The following SLC39A11 variants were observed in gnomAD, a reference collection of about 807,000 sequenced individuals.
The protein encoded by SLC39A11 is zinc transporter ZIP11.
SLC39A11 carries 33 observed loss-of-function variants against 36.1 expected under a neutral mutation model. The observed-to-expected ratio is 0.91, with a 90% CI of 0.69 to 1.22. SLC39A11 has a LOEUF of 1.22. Ranked by LOEUF, SLC39A11 falls within the 50% of genes most tolerant of loss-of-function variation. The pLI is 0.00. For synonymous variants in SLC39A11, 166 were observed against 170.3 expected (o/e 0.97, Z 0.20); for missense variants, 432 against 430.3 (o/e 1.00, Z -0.03).
At chr17:72,906,648 A>G (rs1440870694) in intron 5 of SLC39A11, among the ~76,000 whole-genome samples, 1 of 152,208 alleles carries the variant, frequency 6.6e-6, no homozygotes, top group Non-Finnish European at 1.5e-5. Flanking sequence ...CCTGAAACAG[A>G]CCTTGTTTAA....
At chr17:73,018,526 A>C (rs6501593) in intron 4 of SLC39A11, among the ~76,000 whole-genome samples, 147,930 of 152,050 alleles carry the variant, frequency 0.97, 72,087 homozygotes, top group Non-Finnish European at 1. Context: ...CCAGCCTGGG[A>C]AACACGGCAA....
intron 3 of SLC39A11, among the ~76,000 whole-genome samples, chr17:73,051,476 G>A (rs896719615): frequency 1.3e-5 from 2 of 151,894 alleles, no homozygotes; most frequent in Non-Finnish European, 2.9e-5. Context: ...GTGCAACTTG[G>A]TAGAAGGTGG....
Position 72,740,463 on chromosome 17 carries a change from A to T in SLC39A11, c.602-3744T>A, listed in dbSNP as rs184033776. The stretch of plus-strand genomic sequence containing the variant: ...CCGTACGTTTATGTTGTCTGTTTAT[A>T]AAGAGGAGTTGTGTGTCTGAAATGG... On this transcript the variant is annotated intron_variant, in intron 6 of 9. Coordinates refer to ENST00000255559, the MANE Select transcript of SLC39A11 (RefSeq NM_139177.4). Among the ~76,000 whole-genome samples, 118 of 152,294 alleles carry T rather than the reference A, an allele frequency of 7.7e-4. 1 individual carries two copies. The highest frequency in any genetic ancestry group is 2.6e-3 in the African/African-American group (106 of 41,558).
rs562446733 is a variant in SLC39A11, at chr17:72,964,959, G to A, written c.307-17084C>T. Among the ~76,000 whole-genome samples the A allele has an allele frequency of 7.9e-5, 12 of 152,246 alleles. 1 individual carries two copies. Among genetic ancestry groups the A allele is most frequent in the African/African-American group, 2.6e-4 (11 of 41,542 alleles). On this transcript the variant is annotated intron_variant, in intron 4 of 9. Transcript: ENST00000255559. The stretch of plus-strand genomic sequence containing the variant: ...GAGTTCATGTCCTTTGTACGGACAC[G>A]GATGAAGCTGGAAACCATCATTCTC...
intron 5 of SLC39A11, among the ~76,000 whole-genome samples, chr17:72,878,367 G>T (rs1418711035): frequency 6.6e-6 from 1 of 152,138 alleles, no homozygotes; most frequent in African/African-American, 2.4e-5. Flanking sequence ...GCCCATTAGG[G>T]TATTGTCTTC....
intron 4 of SLC39A11, among the ~76,000 whole-genome samples, chr17:72,950,204 A>G (rs2147774978): frequency 6.6e-6 from 1 of 152,316 alleles, no homozygotes; most frequent in South Asian, 2.1e-4. Flanking sequence ...TAAAGGTGCC[A>G]ACACCCCCAT....
At chr17:72,997,774 C>A (rs1188340325) in intron 4 of SLC39A11, among the ~76,000 whole-genome samples, 1 of 152,200 alleles carries the variant, frequency 6.6e-6, no homozygotes, top group African/African-American at 2.4e-5. Context: ...CGCTAGCCAT[C>A]CATTAGTCAC....
chr17:72,949,060 G>A (rs181976289), intron 4 of SLC39A11, among the ~76,000 whole-genome samples: 13 of 146,036 alleles, frequency 8.9e-5, no homozygotes, highest in African/African-American at 3.0e-4. Context: ...ATCTCAATTG[G>A]CAAAAAATAG....
At chr17:72,793,644 G>T (rs2076792781) in intron 6 of SLC39A11, among the ~76,000 whole-genome samples, 1 of 152,082 alleles carries the variant, frequency 6.6e-6, no homozygotes, top group Non-Finnish European at 1.5e-5. Context: ...TACCCAGGCT[G>T]GTCTCAAACT....
chr17:72,826,043 A>C (rs1050861188), intron 6 of SLC39A11, among the ~76,000 whole-genome samples: 3 of 152,114 alleles, frequency 2.0e-5, no homozygotes, highest in African/African-American at 7.2e-5. Flanking sequence ...GAGATTTGGG[A>C]GGGGCCAGGG....
intron 5 of SLC39A11, among the ~76,000 whole-genome samples, chr17:72,929,077 C>T (rs2084227102): frequency 6.6e-6 from 1 of 152,090 alleles, no homozygotes; most frequent in South Asian, 2.1e-4. Context: ...CAAAGGTACC[C>T]CTTCCTCTAC....
intron 5 of SLC39A11, among the ~76,000 whole-genome samples, chr17:72,897,075 A>AAAAAAAAAC (rs1309896435): frequency 6.8e-6 from 1 of 147,262 alleles, no homozygotes; most frequent in African/African-American, 2.5e-5. Flanking sequence ...AAAAAAACAA[A>AAAAAAAAAC]CAGAAAAACA....
At chr17:72,828,836 C>A (rs1353251865) in intron 6 of SLC39A11, among the ~76,000 whole-genome samples, 1 of 152,166 alleles carries the variant, frequency 6.6e-6, no homozygotes, top group Non-Finnish European at 1.5e-5. Flanking sequence ...TCCAAAGGCT[C>A]CCACCCTGGT....
chr17:72,658,950 C>G (rs907836514), intron 7 of SLC39A11, among the ~76,000 whole-genome samples: 1 of 152,146 alleles, frequency 6.6e-6, no homozygotes, highest in African/African-American at 2.4e-5. Context: ...GCACTGAAGC[C>G]TCCTATTCCC....
intron 7 of SLC39A11, among the ~76,000 whole-genome samples, chr17:72,716,076 G>A (rs1460353301): frequency 2.6e-5 from 4 of 151,908 alleles, no homozygotes; most frequent in Admixed American, 6.6e-5. Context: ...TCCCGCCCTC[G>A]TTCTCCTCGC....
chr17:72,935,100 A>G (rs928177367), intron 5 of SLC39A11, among the ~76,000 whole-genome samples: 7 of 152,240 alleles, frequency 4.6e-5, no homozygotes, highest in Admixed American at 4.6e-4. Flanking sequence ...ATTGCTGAAA[A>G]ATCAGGAAAC....
chr17:72,705,754 G>A (rs1483015764), intron 7 of SLC39A11, among the ~76,000 whole-genome samples: 1 of 152,186 alleles, frequency 6.6e-6, no homozygotes, highest in East Asian at 1.9e-4. Flanking sequence ...TTCAGCTGGG[G>A]CTCCATTCTG....
At chr17:72,994,804 C>G (rs1443731739) in intron 4 of SLC39A11, among the ~76,000 whole-genome samples, 3 of 152,118 alleles carry the variant, frequency 2.0e-5, no homozygotes, top group Non-Finnish European at 2.9e-5. Context: ...AAATCAAATG[C>G]CCTATACGGA....
intron 7 of SLC39A11, among the ~76,000 whole-genome samples, chr17:72,683,489 C>G (rs1376319504): frequency 6.6e-6 from 1 of 151,948 alleles, no homozygotes; most frequent in African/African-American, 2.4e-5. Context: ...GCACACACCA[C>G]CACACCTGGC....
Sources: allele counts gnomAD v4.1 joint callset (sites outside exome capture counted in the v4.1 genomes callset), GRCh38; gene constraint gnomAD v4.1.1; transcripts MANE v1.5; gene names NCBI Gene and HGNC (gene_info 2026-07-23, HGNC 2026-07-21).